FBXW11: variants seen among roughly 807,000 people sequenced by gnomAD.
FBXW11 encodes F-box/WD repeat-containing protein 11.
In FBXW11, 19 loss-of-function variants were observed where a neutral mutation model predicts 77.6. That is an observed-to-expected ratio of 0.24 (90% confidence interval 0.17 to 0.36). The LOEUF (loss-of-function observed/expected upper bound fraction) is 0.36, where lower values mean the gene tolerates loss of function less well. Among genes scored for constraint, FBXW11 ranks in the 10% least tolerant of loss-of-function variants. The pLI, the probability that FBXW11 is intolerant of heterozygous loss-of-function variation, is 1.00. For missense variants in FBXW11, 334 were observed against 704.2 expected (o/e 0.47, Z 5.95); for synonymous variants, 235 against 249.4 (o/e 0.94, Z 0.54).
intron 2 of FBXW11, among the ~76,000 whole-genome samples, chr5:171,936,109 T>TAAAAAAA (rs61349170): frequency 1.7e-5 from 1 of 59,356 alleles, no homozygotes; most frequent in African/African-American, 6.7e-5. Flanking sequence ...AGACTCCATC[T>TAAAAAAA]AAAAAAAAAA....
intron 6 of FBXW11, 49 bp downstream of exon 6, chr5:171,898,955 T>G: frequency 2.4e-6 from 3 of 1,235,788 alleles, no homozygotes; most frequent in Non-Finnish European, 3.4e-6. Flanking sequence ...CATAAAAAGT[T>G]GAGAACAAGA....
chr5:171,916,145 G>A (rs973089403), intron 2 of FBXW11, among the ~76,000 whole-genome samples: 5 of 150,496 alleles, frequency 3.3e-5, no homozygotes, highest in African/African-American at 1.2e-4. Context: ...TGTAAATGAC[G>A]AGTTAATGGG....
intron 2 of FBXW11, among the ~76,000 whole-genome samples, chr5:171,917,766 C>CTGTG (rs60601173): frequency 0.18 from 26,358 of 147,400 alleles, 2,397 homozygotes; most frequent in East Asian, 0.27. Flanking sequence ...TAGACTCACT[C>CTGTG]TGTGTGTGTG....
At chr5:171,901,592 C>T (rs1410565785) in intron 4 of FBXW11, among the ~76,000 whole-genome samples, 1 of 152,164 alleles carries the variant, frequency 6.6e-6, no homozygotes, top group African/African-American at 2.4e-5. Context: ...CTGTCCTTTC[C>T]TGCATGTCAT....
chr5:171,864,491 A>G (rs1757263165), intron 13 of FBXW11, among the ~76,000 whole-genome samples: 1 of 152,248 alleles, frequency 6.6e-6, no homozygotes. Context: ...TCGATTTTAT[A>G]TTTAGCATAA....
chr5:171,969,192 C>G (rs546683812), intron 1 of FBXW11, among the ~76,000 whole-genome samples: 1 of 152,298 alleles, frequency 6.6e-6, no homozygotes, highest in South Asian at 2.1e-4. Context: ...CATGTGAACC[C>G]AGGAGGCAGA....
intron 1 of FBXW11, among the ~76,000 whole-genome samples, chr5:171,980,573 G>T (rs1765085428): frequency 6.6e-6 from 1 of 152,092 alleles, no homozygotes; most frequent in African/African-American, 2.4e-5. Flanking sequence ...TCTCTAAAAA[G>T]GATATTCAAG....
chr5:171,928,837 C>T (rs1762017601), intron 2 of FBXW11, among the ~76,000 whole-genome samples: 1 of 152,308 alleles, frequency 6.6e-6, no homozygotes, highest in African/African-American at 2.4e-5. Flanking sequence ...CTTTGGGAGG[C>T]CAAGGCAGGC....
chr5:171,925,536 A>C (rs576376698), intron 2 of FBXW11, among the ~76,000 whole-genome samples: 1 of 152,336 alleles, frequency 6.6e-6, no homozygotes, highest in African/African-American at 2.4e-5. Flanking sequence ...GCTATAGTGC[A>C]GTGGCATGAT....
intron 6 of FBXW11, among the ~76,000 whole-genome samples, chr5:171,895,089 T>C (rs1312090011): frequency 1.3e-5 from 2 of 152,126 alleles, no homozygotes; most frequent in Non-Finnish European, 2.9e-5. Context: ...AATCCAACTA[T>C]TACCTTAATG....
intron 7 of FBXW11, among the ~76,000 whole-genome samples, chr5:171,888,533 T>C (rs1396029940): frequency 6.6e-6 from 1 of 152,264 alleles, no homozygotes; most frequent in East Asian, 1.9e-4. Flanking sequence ...ACAGAACTTG[T>C]GTTCTGAACC....
At chr5:171,942,745 T>G (rs1356319520) in intron 2 of FBXW11, among the ~76,000 whole-genome samples, 3 of 152,184 alleles carry the variant, frequency 2.0e-5, no homozygotes, top group African/African-American at 7.2e-5. Flanking sequence ...GAGGCTGCAG[T>G]GGGCAGTGAT....
chr5:171,912,646 C>G (rs953395066), intron 3 of FBXW11, among the ~76,000 whole-genome samples: 1 of 152,180 alleles, frequency 6.6e-6, no homozygotes, highest in African/African-American at 2.4e-5. Flanking sequence ...GTGGCTCATG[C>G]CTGTAATCCC....
chr5:171,894,906 GTTC>G (rs764633763), intron 6 of FBXW11, among the ~76,000 whole-genome samples: 1 of 152,100 alleles, frequency 6.6e-6, no homozygotes, highest in Non-Finnish European at 1.5e-5. Flanking sequence ...TAGCAGTTAT[GTTC>G]TTCTTCAGTT....
At chr5:171,886,663 A>G (rs1289223587) in intron 7 of FBXW11, among the ~76,000 whole-genome samples, 3 of 152,308 alleles carry the variant, frequency 2.0e-5, no homozygotes, top group South Asian at 2.1e-4. Context: ...AGCATATGTC[A>G]CACTTTCTAG....
At chr5:172,002,696 CT>C (rs34300477) in intron 1 of FBXW11, among the ~76,000 whole-genome samples, 739 of 97,050 alleles carry the variant, frequency 7.6e-3, no homozygotes, top group South Asian at 0.015. Flanking sequence ...TTTTTCTTTT[CT>C]TTTTTTTTTT....
At chr5:171,922,820 C>T (rs1344673269) in intron 2 of FBXW11, among the ~76,000 whole-genome samples, 9 of 152,076 alleles carry the variant, frequency 5.9e-5, no homozygotes, top group South Asian at 2.1e-4. Context: ...TGACATTATA[C>T]GACAAGAAAT....
intron 11 of FBXW11, 54 bp downstream of exon 11, chr5:171,870,692 TTC>T: frequency 4.5e-6 from 6 of 1,337,570 alleles, no homozygotes; most frequent in Non-Finnish European, 6.4e-6. Context: ...TATATAACAT[TTC>T]TCTTTCTTCT....
At chr5:171,976,212 G>GA (rs1764821034) in intron 1 of FBXW11, among the ~76,000 whole-genome samples, 1 of 152,198 alleles carries the variant, frequency 6.6e-6, no homozygotes, top group Non-Finnish European at 1.5e-5. Flanking sequence ...TTTAGAACCA[G>GA]AGAGGGGAGA....
Sources: allele counts gnomAD v4.1 joint callset (sites outside exome capture counted in the v4.1 genomes callset), GRCh38; gene constraint gnomAD v4.1.1; transcripts MANE v1.5; gene names NCBI Gene and HGNC (gene_info 2026-07-23, HGNC 2026-07-21).